HSF5: variants seen among roughly 807,000 people sequenced by gnomAD.
The protein encoded by HSF5 is heat shock transcription factor 5, also known as heat shock factor protein 5.
Under a neutral mutation model 50.8 loss-of-function variants are expected in HSF5, and 5 were observed. That is an observed-to-expected ratio of 0.10 (90% CI 0.05 to 0.21). HSF5 has a LOEUF of 0.21. Among genes scored for constraint, HSF5 ranks in the 10% least tolerant of loss-of-function variants. HSF5 has a pLI of 1.00. For synonymous variants in HSF5, 307 were observed against 307.4 expected, an observed-to-expected ratio of 1.00 and a Z score of 0.02; for missense variants, 564 against 762.6, an observed-to-expected ratio of 0.74 and a Z score of 3.07.
intron 2 of HSF5, among the ~76,000 whole-genome samples, chr17:58,477,399 T>G (rs1975030960): frequency 6.8e-6 from 1 of 147,740 alleles, no homozygotes; most frequent in Admixed American, 6.7e-5. Flanking sequence ...GGATTACAGG[T>G]GTGAGCCACC....
chr17:58,480,762 G>GCTATGTATCTATCTAT (rs1555644445), intron 1 of HSF5, among the ~76,000 whole-genome samples: 3 of 146,374 alleles, frequency 2.0e-5, no homozygotes, highest in Non-Finnish European at 4.5e-5. Context: ...AACGCTCTTT[G>GCTATGTATCTATCTAT]CTATCTATCT....
At chr17:58,445,553 T>C (rs1438747379) in intron 5 of HSF5, among the ~76,000 whole-genome samples, 1 of 152,234 alleles carries the variant, frequency 6.6e-6, no homozygotes, top group African/African-American at 2.4e-5. Flanking sequence ...AAAGGAATAT[T>C]ATTCAGCCTT....
intron 5 of HSF5, among the ~76,000 whole-genome samples, chr17:58,457,275 T>G (rs1036244765): frequency 7.3e-6 from 1 of 137,436 alleles, no homozygotes; most frequent in Non-Finnish European, 1.6e-5. Flanking sequence ...AAAAAAATAA[T>G]AATAATAATA....
chr17:58,454,460 A>G (rs969761690), intron 5 of HSF5, among the ~76,000 whole-genome samples: 1 of 152,124 alleles, frequency 6.6e-6, no homozygotes, highest in African/African-American at 2.4e-5. Context: ...CTTTTATTCA[A>G]CACAGTACTG....
chr17:58,480,184 C>T lies in HSF5; in HGVS notation c.634G>A (p.Asp212Asn), dbSNP rs150369529. ...PYSCVSTPSHDHSTYPLKGLD... is the reference protein window; with the variant it reads ...PYSCVSTPSHNHSTYPLKGLD... ...CCTTTCAGAGGGTAAGTACTGTGGT[C>T]GTGGGATGGAGTTGATACACAGGAG... Residue 212 changes from aspartate (D) to asparagine (N), a missense_variant, in exon 2 of 6, where the codon GAC (aspartate) becomes AAC (asparagine). Coordinates refer to ENST00000323777, the MANE Select transcript of HSF5 (RefSeq NM_001080439.3). 9,667 of 1,614,064 alleles carry T rather than the reference C, an allele frequency of 6.0e-3. 58 individuals carry two copies. The highest frequency in any genetic ancestry group is 7.4e-3 in the Non-Finnish European group (8,775 of 1,179,982).
chr17:58,432,995 GT>G (rs1974383866), intron 5 of HSF5, among the ~76,000 whole-genome samples: 1 of 144,962 alleles, frequency 6.9e-6, no homozygotes, highest in Non-Finnish European at 1.5e-5. Context: ...ATGACTAGAA[GT>G]ACCATTCATT....
Position 58,467,968 on chromosome 17 carries a change from G to A in HSF5, c.926-989C>T, listed in dbSNP as rs187934530. Among the ~76,000 whole-genome samples the A allele has an allele frequency of 2.0e-5, 3 of 152,346 alleles. No individual in the cohort carries two copies. The East Asian group carries it at 5.8e-4, about 29-fold the overall frequency. On this transcript the variant is annotated intron_variant, in intron 2 of 5. Coordinates refer to ENST00000323777, the MANE Select transcript of HSF5 (RefSeq NM_001080439.3). ...GAACACCCACCCTATTCCAGGCACA[G>A]TAGTAAATGCTTTACATACATTGCC...
intron 5 of HSF5, among the ~76,000 whole-genome samples, chr17:58,432,811 C>T (rs1974381741): frequency 6.6e-6 from 1 of 152,142 alleles, no homozygotes; most frequent in South Asian, 2.1e-4. Context: ...GAAGCTACTG[C>T]AGTCATCTAG....
intron 1 of HSF5, among the ~76,000 whole-genome samples, chr17:58,482,941 T>TAA (rs146166864): frequency 1.5e-5 from 2 of 131,236 alleles, no homozygotes; most frequent in African/African-American, 2.8e-5. Flanking sequence ...CTCTGTCTTT[T>TAA]AAAAAAAAAA....
intron 5 of HSF5, among the ~76,000 whole-genome samples, chr17:58,449,950 G>A (rs1451188195): frequency 1.4e-5 from 2 of 146,564 alleles, no homozygotes; most frequent in Non-Finnish European, 3.0e-5. Flanking sequence ...GTGAACCCGG[G>A]AGACGGAGCT....
chr17:58,446,224 G>A (rs954125901), intron 5 of HSF5, among the ~76,000 whole-genome samples: 2 of 151,610 alleles, frequency 1.3e-5, no homozygotes, highest in Non-Finnish European at 2.9e-5. Flanking sequence ...CCCCCCACAG[G>A]AACATCAACT....
At chr17:58,446,671 G>A (rs1348836848) in intron 5 of HSF5, among the ~76,000 whole-genome samples, 2 of 152,210 alleles carry the variant, frequency 1.3e-5, no homozygotes, top group African/African-American at 4.8e-5. Context: ...AGGCAGGCCA[G>A]AGCAACAGTG....
intron 5 of HSF5, among the ~76,000 whole-genome samples, chr17:58,427,474 T>C (rs1040492345): frequency 1.3e-5 from 2 of 152,210 alleles, no homozygotes; most frequent in African/African-American, 2.4e-5. Context: ...GTCAGAATTA[T>C]AGCATTTCAG....
Position 58,420,425 on chromosome 17 carries a change from T to C in HSF5, c.*1935A>G, listed in dbSNP as rs1283407722. ...GGTCTGCTGTATTCATATATAAAAA[T>C]GTTTGGAAAGCTGATTAAGGCATTT... On this transcript the variant is annotated 3_prime_UTR_variant, in exon 6 of 6. Transcript: ENST00000323777. The C allele has an allele frequency of 6.6e-6, 1 of 152,216 alleles. No individual in the cohort carries two copies. Among genetic ancestry groups the C allele is most frequent in the Non-Finnish European group, 1.5e-5 (1 of 68,034 alleles). 9.4% of individuals were successfully genotyped at this position (152,216 alleles called of 1,614,324 possible).
At chr17:58,453,492 G>C (rs1412151773) in intron 5 of HSF5, among the ~76,000 whole-genome samples, 1 of 152,006 alleles carries the variant, frequency 6.6e-6, no homozygotes, top group Non-Finnish European at 1.5e-5. Flanking sequence ...TACTCAGGAG[G>C]CTGAGGCAGG....
chr17:58,471,205 G>A (rs1406056933), intron 2 of HSF5, among the ~76,000 whole-genome samples: 1 of 152,140 alleles, frequency 6.6e-6, no homozygotes, highest in African/African-American at 2.4e-5. Context: ...AAGTGGTTAA[G>A]TTTTATGTTA....
At chr17:58,475,448 C>T (rs935174758) in intron 2 of HSF5, among the ~76,000 whole-genome samples, 1 of 152,076 alleles carries the variant, frequency 6.6e-6, no homozygotes, top group African/African-American at 2.4e-5. Flanking sequence ...CAAATAAGAT[C>T]CTACAGGCTC....
intron 2 of HSF5, chr17:58,476,596 A>G (rs1194849179): frequency 7.9e-6 from 12 of 1,527,478 alleles, no homozygotes; most frequent in Non-Finnish European, 1.0e-5. Flanking sequence ...ACCTGATTTA[A>G]TATCTTCGAA....
intron 5 of HSF5, among the ~76,000 whole-genome samples, chr17:58,443,033 G>A (rs1362950128): frequency 4.6e-5 from 7 of 151,836 alleles, no homozygotes; most frequent in East Asian, 3.9e-4. Flanking sequence ...CTCAGTTCCC[G>A]AGTATCTGGG....
Sources: allele counts gnomAD v4.1 joint callset (sites outside exome capture counted in the v4.1 genomes callset), GRCh38; gene constraint gnomAD v4.1.1; transcripts MANE v1.5; gene names NCBI Gene and HGNC (gene_info 2026-07-23, HGNC 2026-07-21).